The following SIPA1L3 variants were observed in gnomAD, a reference collection of about 807,000 sequenced individuals.
The protein encoded by SIPA1L3 is signal-induced proliferation-associated 1-like protein 3.
In SIPA1L3, 59 loss-of-function variants were observed where a neutral mutation model predicts 150.1. The observed-to-expected ratio is 0.39, with a 90% CI of 0.32 to 0.49. The LOEUF (loss-of-function observed/expected upper bound fraction) is 0.49, where lower values mean the gene tolerates loss of function less well. Among genes scored for constraint, SIPA1L3 ranks in the 20% least tolerant of loss-of-function variants. The probability of loss-of-function intolerance (pLI) is 0.86; values close to 1 mark genes in which losing one functional copy is unlikely to be tolerated. For missense variants in SIPA1L3, 2,211 were observed against 2,489.5 expected (o/e 0.89, Z 2.38); for synonymous variants, 1,070 against 1,077.6 (o/e 0.99, Z 0.14).
intron 2 of SIPA1L3, among the ~76,000 whole-genome samples, chr19:38,073,513 A>G (rs1969769184): frequency 6.6e-6 from 1 of 152,136 alleles, no homozygotes; most frequent in Non-Finnish European, 1.5e-5. Context: ...AGGCTGCCCT[A>G]GTTTTCCCCA....
At chr19:38,065,903 T>TTATTTATCTATCTATC (rs1209445226) in intron 2 of SIPA1L3, among the ~76,000 whole-genome samples, 1 of 99,302 alleles carries the variant, frequency 1.0e-5, no homozygotes, top group Non-Finnish European at 2.0e-5. Context: ...GTTTGATCTC[T>TTATTTATCTATCTATC]TATTTATTTA....
chr19:38,125,312 A>C (rs1340392891), intron 9 of SIPA1L3, among the ~76,000 whole-genome samples: 1 of 152,196 alleles, frequency 6.6e-6, no homozygotes, highest in Non-Finnish European at 1.5e-5. Flanking sequence ...CTAGAATTAC[A>C]GGCCTGAGCC....
chr19:38,131,489 G>A (rs1056366460), intron 10 of SIPA1L3, among the ~76,000 whole-genome samples: 12 of 152,304 alleles, frequency 7.9e-5, no homozygotes, highest in African/African-American at 2.9e-4. Flanking sequence ...GAGCAGGAGT[G>A]AGAGCTGAGA....
At chr19:38,130,818 G>C in intron 10 of SIPA1L3, 46 bp downstream of exon 10, 2 of 1,559,452 alleles carry the variant, frequency 1.3e-6, no homozygotes, top group Non-Finnish European at 1.7e-6. Flanking sequence ...GCAGCTCCCA[G>C]ATCGCTGGCA....
intron 1 of SIPA1L3, among the ~76,000 whole-genome samples, chr19:37,987,162 A>G (rs1967375562): frequency 6.6e-6 from 1 of 152,078 alleles, no homozygotes. Flanking sequence ...TCCCGACCTC[A>G]GGTGATCCAC....
At chr19:38,140,167 C>T (rs1324926581) in intron 10 of SIPA1L3, among the ~76,000 whole-genome samples, 1 of 152,252 alleles carries the variant, frequency 6.6e-6, no homozygotes, top group African/African-American at 2.4e-5. Flanking sequence ...GGTATGGGCA[C>T]TTCCAGGCTG....
chr19:38,102,828 T>C (rs1970536427), intron 6 of SIPA1L3, among the ~76,000 whole-genome samples: 1 of 151,402 alleles, frequency 6.6e-6, no homozygotes, highest in Admixed American at 6.6e-5. Context: ...CAAGGCCCCA[T>C]CTCAAGAATA....
intron 1 of SIPA1L3, chr19:37,963,887 A>C (rs1211171288): frequency 6.6e-6 from 1 of 152,164 alleles, no homozygotes; most frequent in Admixed American, 6.5e-5. Flanking sequence ...AGCTCTAGCT[A>C]CATATTTCAG....
chr19:38,166,274 T>G (rs889917235), intron 15 of SIPA1L3, among the ~76,000 whole-genome samples: 11 of 150,896 alleles, frequency 7.3e-5, no homozygotes, highest in Admixed American at 2.0e-4. Context: ...GCCAACATGG[T>G]GAAACCCCGT....
chr19:38,185,515 A>C (rs1441572198), intron 16 of SIPA1L3: 1 of 151,418 alleles, frequency 6.6e-6, no homozygotes, highest in Non-Finnish European at 1.5e-5. Context: ...CAGCCGCAAC[A>C]AACTACCACA....
intron 1 of SIPA1L3, among the ~76,000 whole-genome samples, chr19:38,011,223 C>A (rs1009482980): frequency 2.0e-5 from 3 of 152,094 alleles, no homozygotes; most frequent in Non-Finnish European, 4.4e-5. Context: ...ACCTGTAATG[C>A]CAACACTTTG....
chr19:37,963,576 A>G (rs1425952994), intron 1 of SIPA1L3, among the ~76,000 whole-genome samples: 2 of 152,318 alleles, frequency 1.3e-5, no homozygotes, highest in East Asian at 3.9e-4. Flanking sequence ...GATGGGAGGA[A>G]CCCCAAATTA....
At chr19:37,955,366 G>A (rs527986276) in intron 1 of SIPA1L3, among the ~76,000 whole-genome samples, 1 of 150,952 alleles carries the variant, frequency 6.6e-6, no homozygotes, top group South Asian at 2.1e-4. Flanking sequence ...ATTCCAGCCT[G>A]GGCAACAAGA....
intron 1 of SIPA1L3, among the ~76,000 whole-genome samples, chr19:38,017,779 T>C (rs914669184): frequency 3.3e-5 from 5 of 152,006 alleles, no homozygotes; most frequent in African/African-American, 1.2e-4. Flanking sequence ...AATCCTCCCA[T>C]CTTGCCTCCC....
At chr19:38,110,206 C>G (rs763074684) in intron 7 of SIPA1L3, 21 bp from the exon 8 acceptor site, 10 of 1,612,196 alleles carry the variant, frequency 6.2e-6, no homozygotes, top group Non-Finnish European at 8.5e-6. Context: ...GTTCCTGTCC[C>G]CCTCTGTTGC....
At chr19:37,942,039 C>T (rs1435163998) in intron 1 of SIPA1L3, among the ~76,000 whole-genome samples, 1 of 152,226 alleles carries the variant, frequency 6.6e-6, no homozygotes, top group East Asian at 1.9e-4. Context: ...GATTACAACA[C>T]ATTCCTCCTG....
intron 2 of SIPA1L3, among the ~76,000 whole-genome samples, chr19:38,062,897 G>A (rs959449026): frequency 2.0e-5 from 3 of 152,018 alleles, no homozygotes; most frequent in African/African-American, 4.8e-5. Context: ...CTGGGATTAC[G>A]GCCTGCTCTC....
chr19:38,096,203 C>T (rs146436043), intron 4 of SIPA1L3, among the ~76,000 whole-genome samples: 2 of 152,168 alleles, frequency 1.3e-5, no homozygotes, highest in African/African-American at 2.4e-5. Flanking sequence ...CTGTGTTTGT[C>T]GACTTAGGCA....
chr19:38,057,128 A>T (rs1199003919), intron 2 of SIPA1L3, among the ~76,000 whole-genome samples: 1 of 152,026 alleles, frequency 6.6e-6, no homozygotes. Context: ...AAAATTAGTC[A>T]GGCATGGTAG....
Sources: gnomAD v4.1 joint callset for allele counts (sites outside exome capture counted in the v4.1 genomes callset) on GRCh38, gnomAD v4.1.1 for gene constraint, MANE v1.5 for transcripts, NCBI Gene and HGNC (gene_info 2026-07-23, HGNC 2026-07-21) for gene names.